Variants in SPTBN5 observed in about 807,000 individuals in gnomAD.
SPTBN5 encodes spectrin beta chain, non-erythrocytic 5.
Under a neutral mutation model 477.6 loss-of-function variants are expected in SPTBN5, and 513 were observed. The observed-to-expected ratio is 1.07, with a 90% CI of 1.00 to 1.16. The LOEUF is 1.16. Ranked by LOEUF, SPTBN5 falls within the 50% of genes most tolerant of loss-of-function variation. The probability of loss-of-function intolerance (pLI) is 0.00; values close to 1 mark genes in which losing one functional copy is unlikely to be tolerated. For synonymous variants in SPTBN5, 2,169 were observed against 2,011.7 expected (o/e 1.08, Z -2.09); for missense variants, 5,062 against 4,731.8 (o/e 1.07, Z -2.05).
chr15:41,868,512 C>T lies in SPTBN5; in HGVS notation c.5943G>A (p.Lys1981=), dbSNP rs1345599236. 6 of 1,610,172 alleles carry T rather than the reference C, an allele frequency of 3.7e-6. No individual in the cohort carries two copies. The highest frequency in any genetic ancestry group is 5.1e-6 in the Non-Finnish European group (6 of 1,179,792). Residue 1981 remains lysine (K), a synonymous_variant, in exon 33 of 68, where the codon AAG becomes AAA. Coordinates refer to ENST00000320955, the MANE Select transcript of SPTBN5 (RefSeq NM_016642.4). The part of the protein sequence containing the change: ...SSQEPSSGPL[K]LSAHQWLRAE... ...CCCGGAGCCACTGGTGGGCACTGAG[C>T]TTCAGCGGGCCACTGCTAGGCTCTT...
In SPTBN5 at chr15:41,860,617, C is replaced by A; in HGVS notation, c.7957G>T (p.Ala2653Ser). 6.6e-7 allele frequency: 1 copy of A among 1,514,670 alleles called. No homozygotes were observed. 93.8% of individuals were successfully genotyped at this position (1,514,670 alleles called of 1,614,324 possible). A position where few individuals can be genotyped will look rare whatever the true frequency, so the allele number is the denominator to read the frequency against. ...AGCATGGCCTGGCACCTGCCCAGGG[C>A]ACTCTGGGCCTCGGGGTGCCCACCC... ...HQGGHPEAQS[A>S]LGRCQAMLLR... The change falls in exon 47 of 68, where the codon GCC becomes TCC. Residue 2653 changes from alanine to serine, a missense_variant. Transcript: ENST00000320955.
chr15:41,850,350 A>G (rs964385794), intron 66 of SPTBN5: 2 of 258,014 alleles, frequency 7.8e-6, no homozygotes, highest in Non-Finnish European at 7.5e-6. Flanking sequence ...ACGGAGCCTC[A>G]GCAGAGCACG....
rs1451448928 is a variant in SPTBN5, at chr15:41,868,418, C to T, written c.6037G>A (p.Ala2013Thr). The part of the protein sequence containing the change: ...TQLGQQALLA[A>T]GTPTKEVQEE... ...CCCACCTCCTTGGTGGGTGTCCCTG[C>T]AGCAAGAAGTGCCTGCTGCCCCAGC... The change falls in exon 33 of 68, where the codon GCA (alanine) becomes ACA (threonine). Residue 2013 changes from alanine to threonine, a missense_variant. Transcript: ENST00000320955. 1.9e-6 allele frequency: 3 copies of T among 1,604,500 alleles called. No homozygotes were observed. Among genetic ancestry groups the T allele is most frequent in the Non-Finnish European group, 2.6e-6 (3 of 1,174,418 alleles).
intron 39 of SPTBN5, 146 bp downstream of exon 39, chr15:41,865,662 G>T: frequency 1.5e-6 from 1 of 686,904 alleles, no homozygotes; most frequent in Non-Finnish European, 2.4e-6. Flanking sequence ...GTGAAGGCGG[G>T]TGAGAGGAGG....
At chr15:41,855,159 A>C (rs1413894604) in intron 55 of SPTBN5, 65 bp downstream of exon 55, 5 of 1,535,792 alleles carry the variant, frequency 3.3e-6, no homozygotes, top group Non-Finnish European at 4.4e-6. Context: ...CAACCCTTTC[A>C]TCCCAGGGCA....
intron 39 of SPTBN5, 34 bp from the exon 40 acceptor site, chr15:41,864,058 C>G (rs2066214667): frequency 1.3e-6 from 2 of 1,559,000 alleles, no homozygotes; most frequent in South Asian, 1.1e-5. Context: ...GCATTGGCAC[C>G]CCCCATGCAG....
Position 41,872,301 on chromosome 15 carries a change from C to T in SPTBN5, c.5165+1G>A, listed in dbSNP as rs540896554. 3.4e-5 allele frequency: 54 copies of T among 1,609,928 alleles called. No homozygotes were observed. The highest frequency in any genetic ancestry group is 2.6e-4 in the South Asian group (24 of 90,814). On this transcript the variant is annotated splice_donor_variant, in intron 27 of 67. Transcript: ENST00000320955. LOFTEE classifies it high-confidence loss of function. ...GATGAGAGGGGTTATGGTGTCCTCA[C>T]CGTGTGGCCGCCAACTCCTGCAGTG... is the stretch of plus-strand genomic sequence containing the variant.
Position 41,880,224 on chromosome 15 carries a change from G to A in SPTBN5, c.2747C>T (p.Thr916Ile). The change falls in exon 14 of 68, where the codon ACA (threonine) becomes ATA (isoleucine). Residue 916 changes from threonine to isoleucine, a missense_variant. Physicochemically the swap from Thr to Ile is moderately conservative, Grantham distance 89. Transcript: ENST00000320955. ...GGGCTGCACCCTTTGGAGCAGCACT[G>A]TCTGCTTCTCCAGCCACAACTGGAG... ...GELQLWLEKQ[T>I]VLLQRVQPQA... The A allele has an allele frequency of 4.4e-6, 7 of 1,602,954 alleles. No individual in the cohort carries two copies. Among genetic ancestry groups the A allele is most frequent in the Non-Finnish European group, 6.0e-6 (7 of 1,175,732 alleles).
chr15:41,879,047 A>G lies in SPTBN5; in HGVS notation c.3182+213T>C, dbSNP rs529537937. Among the ~76,000 whole-genome samples the G allele has an allele frequency of 2.0e-5, 3 of 152,308 alleles. No homozygotes were observed. The South Asian group carries it at 6.2e-4, about 32-fold the overall frequency. On this transcript the variant is annotated intron_variant, in intron 16 of 67. Coordinates refer to ENST00000320955, the MANE Select transcript of SPTBN5 (RefSeq NM_016642.4). ...CGCCACTGCACTCAGCCCGGGCGAC[A>G]GAGCAAGACTCCGTCTCAAAAAGAA...
In SPTBN5 at chr15:41,875,615, C is replaced by T; in HGVS notation, c.4130G>A (p.Arg1377Lys). Residue 1377 changes from arginine (R) to lysine (K), a missense_variant, in exon 22 of 68, where the codon AGA becomes AAA. Arg to Lys is a conservative substitution (Grantham distance 26). Coordinates refer to ENST00000320955, the MANE Select transcript of SPTBN5 (RefSeq NM_016642.4). ...ACAGGGCCTCCTACTCAACAGCTCT[C>T]TCCCAACCTGGAGTGGAGATAAAGG... The part of the protein sequence containing the change: ...RHVEALQQVG[R>K]ELLSRRPCGQ... The T allele has an allele frequency of 1.3e-6, 2 of 1,587,738 alleles. No homozygotes were observed. Among genetic ancestry groups the T allele is most frequent in the Non-Finnish European group, 1.7e-6 (2 of 1,166,878 alleles).
Position 41,866,346 on chromosome 15 carries a change from T to A in SPTBN5, c.6628A>T (p.Lys2210Ter). Residue 2210 changes from lysine to a stop codon, truncating the protein, a stop_gained and splice_region_variant, in exon 37 of 68, where the codon AAG (lysine) becomes TAG (stop). Transcript: ENST00000320955. LOFTEE classifies it high-confidence loss of function. ...GGGGCTGAGGGCCCGGTTGTTACCT[T>A]GGCAACAGAGGTCATGACCTCCTCA... ...AHEEVMTSVA[K>*]KGEALLAQSH... 2 of 1,591,566 alleles carry A rather than the reference T, an allele frequency of 1.3e-6. No homozygotes were observed. The highest frequency in any genetic ancestry group is 1.7e-6 in the Non-Finnish European group (2 of 1,168,764).
At chr15:41,888,398 G>A (rs544393441) in intron 4 of SPTBN5, among the ~76,000 whole-genome samples, 3 of 152,340 alleles carry the variant, frequency 2.0e-5, no homozygotes, top group Non-Finnish European at 4.4e-5. Flanking sequence ...CCCTTCTGAC[G>A]GGCCAGGTGC....
rs1454684396 is a variant in SPTBN5, at chr15:41,853,721, G to C, written c.9841C>G (p.Leu3281Val). The change falls in exon 58 of 68, where the codon CTA (leucine) becomes GTA (valine). Residue 3281 changes from leucine to valine, a missense_variant. Leu to Val is a conservative substitution (Grantham distance 32). Transcript: ENST00000320955. ...LQTEACRLGQ[L>V]HPAAPGGLAK... ...AGGCCCCCCGGAGCTGCAGGATGTA[G>C]CTGGCCCAGTCGGCAGGCCTCCGTC... The C allele has an allele frequency of 6.3e-7, 1 of 1,593,592 alleles. No individual in the cohort carries two copies. The highest frequency in any genetic ancestry group is 8.5e-7 in the Non-Finnish European group (1 of 1,170,788).
intron 67 of SPTBN5, 73 bp downstream of exon 67, chr15:41,849,796 T>G: frequency 8.2e-7 from 1 of 1,221,794 alleles, no homozygotes; most frequent in South Asian, 1.3e-5. Flanking sequence ...AACCTCAGGC[T>G]TCAGAGGACA....
At position 41,857,449 on chromosome 15, in the gene SPTBN5, C is replaced by A. The variant is rs2065959685; in HGVS notation, c.8410G>T (p.Glu2804Ter). Residue 2804 changes from glutamate to a stop codon, truncating the protein, a stop_gained, in exon 51 of 68, where the codon GAG becomes TAG. Transcript: ENST00000320955. LOFTEE classifies it high-confidence loss of function. ...GCTCTCAGCTCAACCTCGATGGGCT[C>A]CAGCCAGTTCTCCAGTTCCTCCATG... ...RSMEELENWL[E>*]PIEVELRAPT... The A allele has an allele frequency of 1.2e-6, 2 of 1,608,416 alleles. No individual in the cohort carries two copies. Among genetic ancestry groups the A allele is most frequent in the South Asian group, 1.1e-5 (1 of 89,992 alleles).
At chr15:41,857,767 CTT>C in intron 49 of SPTBN5, 57 bp from the exon 50 acceptor site, 1 of 1,508,898 alleles carries the variant, frequency 6.6e-7, no homozygotes, top group South Asian at 1.2e-5. Context: ...TACCAGGGCA[CTT>C]GTGTTGACTC....
chr15:41,876,605 C>A lies in SPTBN5; in HGVS notation c.3894G>T (p.Arg1298Ser), dbSNP rs1373808712. The A allele has an allele frequency of 1.2e-6, 2 of 1,606,454 alleles. No individual in the cohort carries two copies. Among genetic ancestry groups the A allele is most frequent in the Admixed American group, 3.4e-5 (2 of 58,980 alleles). ...QLQSIQAQWT[R>S]LQGRSEQRRR... ...TCCTCTGCTCACTCCTCCCCTGGAG[C>A]CTGGTCCACTGTGCCTGGATACTCT... Residue 1298 changes from arginine to serine, a missense_variant, in exon 20 of 68, where the codon AGG (arginine) becomes AGT (serine). By Grantham distance (110) the Arg-to-Ser change is moderately radical. Coordinates refer to ENST00000320955, the MANE Select transcript of SPTBN5 (RefSeq NM_016642.4).
In SPTBN5 at chr15:41,856,739, TCCCAAAAGCC is replaced by T. The variant is rs1026605833; in HGVS notation, c.8808+104_8808+113del. Reference sequence around the variant, plus strand: ...CATGACTCCCAAAGAATCCAGGGCATCCCAAAAGCCCCCACAGGCAGAGAGTTCCTGGCTG... The same window carrying T: ...CATGACTCCCAAAGAATCCAGGGCATCCCACAGGCAGAGAGTTCCTGGCTG... On this transcript the variant is annotated intron_variant, in intron 52 of 67. Coordinates refer to ENST00000320955, the MANE Select transcript of SPTBN5 (RefSeq NM_016642.4). 2.2e-6 allele frequency: 3 copies of T among 1,352,216 alleles called. No homozygotes were observed. The African/African-American group carries it at 4.4e-5, about 20-fold the overall frequency. The allele number at this position is 1,352,216 out of a possible 1,614,324, so 83.8% of individuals were successfully genotyped here. A position where few individuals can be genotyped will look rare whatever the true frequency, so the allele number is the denominator to read the frequency against.
At chr15:41,848,685 A>G in intron 67 of SPTBN5, 57 bp from the exon 68 acceptor site, 4 of 1,600,506 alleles carry the variant, frequency 2.5e-6, no homozygotes, top group Non-Finnish European at 3.4e-6. Context: ...ATCTTCTCCA[A>G]ACAAACACAC....
Sources: gnomAD v4.1 joint callset for allele counts (sites outside exome capture counted in the v4.1 genomes callset) on GRCh38, gnomAD v4.1.1 for gene constraint, MANE v1.5 for transcripts, NCBI Gene and HGNC (gene_info 2026-07-23, HGNC 2026-07-21) for gene names.